OPCML: variants seen among roughly 807,000 people sequenced by gnomAD.
The protein encoded by OPCML is opioid binding protein/cell adhesion molecule like, also known as opioid-binding protein/cell adhesion molecule.
OPCML carries 13 observed loss-of-function variants against 37.8 expected under a neutral mutation model. The observed-to-expected ratio is 0.34, with a 90% CI of 0.22 to 0.55. OPCML has a LOEUF of 0.55. Among genes scored for constraint, OPCML ranks in the 20% least tolerant of loss-of-function variants. The pLI, the probability that OPCML is intolerant of heterozygous loss-of-function variation, is 0.91. For missense variants in OPCML, 341 were observed against 435.6 expected, an observed-to-expected ratio of 0.78 and a Z score of 1.93; for synonymous variants, 176 against 168.8, an observed-to-expected ratio of 1.04 and a Z score of -0.33.
chr11:132,748,260 C>A (rs1458436874), intron 2 of OPCML, among the ~76,000 whole-genome samples: 1 of 152,112 alleles, frequency 6.6e-6, no homozygotes, highest in African/African-American at 2.4e-5. Flanking sequence ...GCCATATCGA[C>A]CCTGCTTCCT....
At chr11:132,860,020 G>C (rs933686860) in intron 2 of OPCML, 1 of 152,216 alleles carries the variant, frequency 6.6e-6, no homozygotes, top group Admixed American at 6.5e-5. Flanking sequence ...ACCTGCACAA[G>C]GCTGACACAC....
At chr11:133,079,956 A>G (rs892591116) in intron 1 of OPCML, among the ~76,000 whole-genome samples, 2 of 152,206 alleles carry the variant, frequency 1.3e-5, no homozygotes, top group African/African-American at 4.8e-5. Flanking sequence ...TGCCTTTTGA[A>G]CTTCAACCAT....
chr11:132,422,344 C>T (rs2095962372), intron 7 of OPCML, among the ~76,000 whole-genome samples: 1 of 152,042 alleles, frequency 6.6e-6, no homozygotes, highest in South Asian at 2.1e-4. Flanking sequence ...GAAAACAGAC[C>T]ATGGAAGAGT....
At chr11:132,740,635 C>T (rs368084284) in intron 2 of OPCML, among the ~76,000 whole-genome samples, 8 of 152,028 alleles carry the variant, frequency 5.3e-5, no homozygotes, top group South Asian at 2.1e-4. Flanking sequence ...AAGTCTGTTT[C>T]GTAATGTGCC....
intron 3 of OPCML, among the ~76,000 whole-genome samples, chr11:132,566,206 C>A (rs537172483): frequency 2.6e-4 from 39 of 152,154 alleles, no homozygotes; most frequent in Non-Finnish European, 5.4e-4. Context: ...AAAACCTTTT[C>A]TTTTCTTTTT....
chr11:132,507,912 G>T (rs1413042674), intron 4 of OPCML, among the ~76,000 whole-genome samples: 1 of 151,968 alleles, frequency 6.6e-6, no homozygotes, highest in Admixed American at 6.6e-5. Flanking sequence ...ACATATGGCT[G>T]AAAGGGAAAA....
At chr11:132,724,391 T>C (rs531006) in intron 2 of OPCML, among the ~76,000 whole-genome samples, 48,731 of 151,926 alleles carry the variant, frequency 0.32, 7,944 homozygotes, top group Middle Eastern at 0.38. Flanking sequence ...TATATAACCA[T>C]GAGATCTCGT....
intron 4 of OPCML, among the ~76,000 whole-genome samples, chr11:132,526,763 A>G (rs1003240802): frequency 6.6e-6 from 1 of 152,176 alleles, no homozygotes; most frequent in Admixed American, 6.5e-5. Context: ...AATTACCTAC[A>G]ATAAAATGCA....
chr11:133,457,382 T>C (rs534923687), intron 1 of OPCML, among the ~76,000 whole-genome samples: 1 of 151,840 alleles, frequency 6.6e-6, no homozygotes, highest in South Asian at 2.1e-4. Flanking sequence ...AAATAAAAAA[T>C]TTAAAAATCA....
At chr11:132,428,324 T>A (rs1011712796) in intron 7 of OPCML, among the ~76,000 whole-genome samples, 2 of 152,236 alleles carry the variant, frequency 1.3e-5, no homozygotes, top group African/African-American at 4.8e-5. Flanking sequence ...ATAGAGGCTA[T>A]AACTGATGCC....
chr11:133,182,918 C>T (rs1337879545), intron 1 of OPCML, among the ~76,000 whole-genome samples: 1 of 152,158 alleles, frequency 6.6e-6, no homozygotes, highest in East Asian at 1.9e-4. Flanking sequence ...AACCCCAATT[C>T]ATCTGGCTAA....
intron 4 of OPCML, among the ~76,000 whole-genome samples, chr11:132,520,339 G>A (rs952674188): frequency 1.3e-5 from 2 of 152,132 alleles, no homozygotes; most frequent in Non-Finnish European, 2.9e-5. Context: ...AGTTAGCTGT[G>A]ATTCATTTGT....
At chr11:132,926,766 A>C (rs1173036829) in intron 2 of OPCML, among the ~76,000 whole-genome samples, 2 of 152,198 alleles carry the variant, frequency 1.3e-5, no homozygotes, top group Non-Finnish European at 2.9e-5. Context: ...ACCTGAAAAG[A>C]CTTTATAAAA....
Position 132,841,256 on chromosome 11 carries a change from C to T in OPCML, c.146+101670G>A, listed in dbSNP as rs74435807. 7.7e-4 allele frequency among the ~76,000 whole-genome samples: 118 copies of T among 152,264 alleles called. No homozygotes were observed. In the Middle Eastern group the frequency reaches 0.014, roughly 18 times the overall value. On this transcript the variant is annotated intron_variant, in intron 2 of 7. Coordinates refer to ENST00000524381, the MANE Select transcript of OPCML (RefSeq NM_001012393.5). The stretch of plus-strand genomic sequence containing the variant: ...TCTTGTCCTTTTTGAAAATATGATG[C>T]AGAAGTTTATAATTTCTTACCTAGC...
intron 2 of OPCML, among the ~76,000 whole-genome samples, chr11:132,937,279 A>G (rs1407945119): frequency 6.6e-6 from 1 of 152,156 alleles, no homozygotes; most frequent in Non-Finnish European, 1.5e-5. Flanking sequence ...GTCCTTTTTT[A>G]GAAACCAGAA....
intron 1 of OPCML, among the ~76,000 whole-genome samples, chr11:133,388,714 C>T (rs1945108298): frequency 6.6e-6 from 1 of 152,168 alleles, no homozygotes; most frequent in Non-Finnish European, 1.5e-5. Context: ...TGCCCCAGAA[C>T]ATGTGTCATT....
At chr11:133,495,125 A>C (rs1947754743) in intron 1 of OPCML, among the ~76,000 whole-genome samples, 1 of 152,048 alleles carries the variant, frequency 6.6e-6, no homozygotes, top group Non-Finnish European at 1.5e-5. Flanking sequence ...CTCATAGCTT[A>C]GCTCCTTTAT....
intron 4 of OPCML, among the ~76,000 whole-genome samples, chr11:132,498,643 T>C (rs534273662): frequency 1.3e-5 from 2 of 152,320 alleles, no homozygotes; most frequent in South Asian, 2.1e-4. Context: ...TCCTCTGTAG[T>C]GGAAGTTTGA....
intron 1 of OPCML, among the ~76,000 whole-genome samples, chr11:133,218,980 T>C (rs2094931170): frequency 2.6e-5 from 4 of 152,216 alleles, no homozygotes; most frequent in African/African-American, 9.6e-5. Flanking sequence ...TTGTGCTTGC[T>C]TTTATTTTGA....
Sources: gnomAD v4.1 joint callset for allele counts (sites outside exome capture counted in the v4.1 genomes callset) on GRCh38, gnomAD v4.1.1 for gene constraint, MANE v1.5 for transcripts, NCBI Gene and HGNC (gene_info 2026-07-23, HGNC 2026-07-21) for gene names.